CPSF2: variants seen among roughly 807,000 people sequenced by gnomAD.
CPSF2 encodes cleavage and polyadenylation specificity factor subunit 2.
In CPSF2, 51 loss-of-function variants were observed where a neutral mutation model predicts 84.2. That is an observed-to-expected ratio of 0.61 (90% CI 0.48 to 0.77). CPSF2 has a LOEUF of 0.77. Among genes scored for constraint, CPSF2 ranks in the 30% least tolerant of loss-of-function variants. CPSF2 has a pLI of 0.00. For synonymous variants in CPSF2, 286 were observed against 311.9 expected, an observed-to-expected ratio of 0.92 and a Z score of 0.87; for missense variants, 641 against 929.4, an observed-to-expected ratio of 0.69 and a Z score of 4.03.
chr14:92,143,115 C>G lies in CPSF2; in HGVS notation c.961C>G (p.Pro321Ala). The G allele has an allele frequency of 6.2e-7, 1 of 1,614,100 alleles. No homozygotes were observed. The highest frequency in any genetic ancestry group is 8.5e-7 in the Non-Finnish European group (1 of 1,180,030). The change falls in exon 9 of 16, where the codon CCT (proline) becomes GCT (alanine). Residue 321 changes from proline (P) to alanine (A), a missense_variant. Around this residue, in one of 2 missense-constraint regions of CPSF2, gnomAD observed 430 missense variants for 553.6 expected, o/e 0.78. Transcript: ENST00000298875. ...CHGLSDLARV[P>A]SPKVVLASQP... is the part of the protein sequence containing the mutation. ...TGGTCTTTCTGACTTGGCCCGTGTA[C>G]CTAGCCCTAAAGTTGTACTTGCCAG...
chr14:92,128,112 G>A (rs558607619), intron 2 of CPSF2, among the ~76,000 whole-genome samples: 2 of 152,346 alleles, frequency 1.3e-5, no homozygotes, highest in African/African-American at 4.8e-5. Flanking sequence ...GCAGGTGCCT[G>A]TAATCCCAGC....
Position 92,133,264 on chromosome 14 carries a change from A to G in CPSF2, c.150-747A>G, listed in dbSNP as rs761203052. ...GAGAAACCCCATCTCTACCAAAAATACAAAATAAGCTGGGAGTGGTGGCAC... is the reference window on the plus strand; with the variant it reads ...GAGAAACCCCATCTCTACCAAAAATGCAAAATAAGCTGGGAGTGGTGGCAC... On this transcript the variant is annotated intron_variant, in intron 3 of 15. Coordinates refer to ENST00000298875, the MANE Select transcript of CPSF2 (RefSeq NM_017437.3). Among the ~76,000 whole-genome samples the G allele has an allele frequency of 1.4e-4, 21 of 151,480 alleles. No homozygotes were observed. The Middle Eastern group carries it at 0.014, about 98-fold the overall frequency.
rs11626657 is a variant in CPSF2, at chr14:92,157,520, C to T, written c.1596-139C>T. The T allele has an allele frequency of 0.47, 307,486 of 650,480 alleles. 80,671 individuals are homozygous for T. The highest frequency in any genetic ancestry group is 0.98 in the East Asian group (35,002 of 35,544). The allele number at this position is 650,480 out of a possible 1,614,324, so 40.3% of individuals were successfully genotyped here. On this transcript the variant is annotated intron_variant, in intron 12 of 15. Coordinates refer to ENST00000298875, the MANE Select transcript of CPSF2 (RefSeq NM_017437.3). The surrounding 1 kb of genome is among the most constrained non-coding windows in gnomAD (Gnocchi z 4.0). ...AGACCCAATCTCAGAAAAATAAAAA[C>T]AAAAATAAAATAAATCATACAGATA...
intron 7 of CPSF2, among the ~76,000 whole-genome samples, chr14:92,139,476 A>G (rs2069045372): frequency 6.6e-6 from 1 of 151,192 alleles, no homozygotes; most frequent in Non-Finnish European, 1.5e-5. Flanking sequence ...TAAATATTCC[A>G]CTAATTTTGG....
Position 92,156,529 on chromosome 14 carries a change from G to A in CPSF2, c.1493G>A (p.Ser498Asn). The A allele has an allele frequency of 1.9e-6, 3 of 1,613,148 alleles. No homozygotes were observed. Among genetic ancestry groups the A allele is most frequent in the Non-Finnish European group, 2.5e-6 (3 of 1,179,604 alleles). Residue 498 changes from serine to asparagine, a missense_variant, in exon 12 of 16, where the codon AGC becomes AAC. This residue lies in a region of CPSF2 where 430 missense variants were observed against 553.6 expected (regional missense o/e 0.78). Coordinates refer to ENST00000298875, the MANE Select transcript of CPSF2 (RefSeq NM_017437.3). ...PELQATEEEK[S>N]KLESGLTNGD... ...CTTCAAGCTACTGAAGAAGAAAAAA[G>A]CAAATTAGAATCTGGTTTGACAAAT...
Position 92,154,478 on chromosome 14 carries a change from AT to A in CPSF2, c.1241+22del. Reference sequence around the variant, plus strand: ...AAAAGAGTGAGTCATTTTCAGACAGATTATAAATTTATGGATGCAATTTGAG... The same window carrying A: ...AAAAGAGTGAGTCATTTTCAGACAGATATAAATTTATGGATGCAATTTGAG... On this transcript the variant is annotated intron_variant, in intron 10 of 15. Transcript: ENST00000298875. 6.7e-7 allele frequency: 1 copy of A among 1,498,772 alleles called. No individual in the cohort carries two copies. Among genetic ancestry groups the A allele is most frequent in the Non-Finnish European group, 9.1e-7 (1 of 1,102,286 alleles). 92.8% of individuals were successfully genotyped at this position (1,498,772 alleles called of 1,614,324 possible).
Position 92,161,684 on chromosome 14 carries a change from C to T in CPSF2, c.2289C>T (p.Cys763=), listed in dbSNP as rs1219535293. The T allele has an allele frequency of 1.3e-5, 20 of 1,594,136 alleles. No individual in the cohort carries two copies. The highest frequency in any genetic ancestry group is 1.6e-5 in the Non-Finnish European group (19 of 1,173,804). ...CTGGACGCATTGGATTAGAAGGCTG[C>T]CTTTGTCAAGATTTTTATAGGATAA... ...TETGRIGLEG[C]LCQDFYRIRD... is the part of the protein sequence containing the mutation. The change falls in exon 16 of 16, where the codon TGC becomes TGT. Residue 763 remains cysteine, a synonymous_variant. Transcript: ENST00000298875.
chr14:92,128,289 A>G (rs1373916681), intron 2 of CPSF2, among the ~76,000 whole-genome samples: 1 of 151,976 alleles, frequency 6.6e-6, no homozygotes, highest in African/African-American at 2.4e-5. Context: ...AGAGATCGAG[A>G]CTATTGTGGC....
Position 92,161,258 on chromosome 14 carries a change from T to G in CPSF2, c.2256+12T>G. ...TAGCAGTCCGCAGAGTAAGTGTGTT[T>G]TCAATAAGGGCTGAATTGAACACAT... On this transcript the variant is annotated intron_variant, in intron 15 of 15. Transcript: ENST00000298875. 1 of 1,604,780 alleles carries G rather than the reference T, an allele frequency of 6.2e-7. No homozygotes were observed. Among genetic ancestry groups the G allele is most frequent in the Non-Finnish European group, 8.5e-7 (1 of 1,177,124 alleles).
At chr14:92,156,906 A>G (rs1402029932) in intron 12 of CPSF2, among the ~76,000 whole-genome samples, 1 of 152,124 alleles carries the variant, frequency 6.6e-6, no homozygotes, top group African/African-American at 2.4e-5. Context: ...AAGAAAAATT[A>G]TTTTTGGCCT....
chr14:92,146,945 C>G (rs1262509865), intron 9 of CPSF2, among the ~76,000 whole-genome samples: 4 of 152,178 alleles, frequency 2.6e-5, no homozygotes, highest in Non-Finnish European at 5.9e-5. Flanking sequence ...ATTCAGGCCT[C>G]AGGTTTAACC....
chr14:92,133,445 G>A (rs2068960178), intron 3 of CPSF2, among the ~76,000 whole-genome samples: 1 of 151,564 alleles, frequency 6.6e-6, no homozygotes, highest in Non-Finnish European at 1.5e-5. Flanking sequence ...AGTTACTTGT[G>A]TCTACTGTTC....
rs576837651 is a variant in CPSF2, at chr14:92,165,623, C to T, written c.*3879C>T. 6.6e-6 allele frequency: 1 copy of T among 151,850 alleles called. No homozygotes were observed. The highest frequency in any genetic ancestry group is 1.9e-4 in the East Asian group (1 of 5,162). The allele number at this position is 151,850 out of a possible 1,614,324, so 9.4% of individuals were successfully genotyped here. On this transcript the variant is annotated 3_prime_UTR_variant, in exon 16 of 16. Coordinates refer to ENST00000298875, the MANE Select transcript of CPSF2 (RefSeq NM_017437.3). ...TGTCCATTTTCAATTTGTTTATGTT[C>T]ATATCCTTTGTCCATTTTCAATTTG...
chr14:92,150,450 G>C (rs1309130898), intron 9 of CPSF2, among the ~76,000 whole-genome samples: 1 of 146,902 alleles, frequency 6.8e-6, no homozygotes, highest in Non-Finnish European at 1.5e-5. Flanking sequence ...TTTTTTTTTT[G>C]AGTTTGGGTC....
intron 9 of CPSF2, among the ~76,000 whole-genome samples, chr14:92,147,712 T>C (rs1325731395): frequency 6.6e-6 from 1 of 152,216 alleles, no homozygotes; most frequent in Non-Finnish European, 1.5e-5. Flanking sequence ...TGTATTTATT[T>C]GTTTATTTTA....
At chr14:92,135,604 CA>C in intron 6 of CPSF2, 108 bp downstream of exon 6, 1 of 1,093,092 alleles carries the variant, frequency 9.1e-7, no homozygotes, top group Non-Finnish European at 1.3e-6. Flanking sequence ...AAATTTAGAG[CA>C]ACTTAAAACC....
intron 14 of CPSF2, among the ~76,000 whole-genome samples, chr14:92,160,670 C>T (rs1052256582): frequency 1.3e-5 from 2 of 152,220 alleles, no homozygotes; most frequent in Non-Finnish European, 2.9e-5. Context: ...CCTATGGCAT[C>T]CATTACATTT....
At chr14:92,151,501 G>T (rs943333735) in intron 9 of CPSF2, among the ~76,000 whole-genome samples, 1 of 151,512 alleles carries the variant, frequency 6.6e-6, no homozygotes, top group Non-Finnish European at 1.5e-5. Flanking sequence ...CAGGTTCTGC[G>T]TTAAAACTAA....
chr14:92,150,209 G>T (rs1419933530), intron 9 of CPSF2, among the ~76,000 whole-genome samples: 2 of 151,162 alleles, frequency 1.3e-5, no homozygotes, highest in Non-Finnish European at 2.9e-5. Flanking sequence ...CTACTTCCCG[G>T]GTTCAAGCGA....
Sources: gnomAD v4.1 joint callset for allele counts (sites outside exome capture counted in the v4.1 genomes callset) on GRCh38, gnomAD v4.1.1 for gene constraint, gnomAD v4.1.1 regional missense constraint, Gnocchi (gnomAD v3.1) non-coding constraint, MANE v1.5 for transcripts, NCBI Gene and HGNC (gene_info 2026-07-23, HGNC 2026-07-21) for gene names.